Variants in INVS observed in about 807,000 individuals in gnomAD.
INVS encodes inversin.
Under a neutral mutation model 108.8 loss-of-function variants are expected in INVS, and 86 were observed. That is an observed-to-expected ratio of 0.79 (90% CI 0.66 to 0.95). The LOEUF (loss-of-function observed/expected upper bound fraction) is 0.95, where lower values mean the gene tolerates loss of function less well. INVS is among the 40% of genes least tolerant of loss of function. The pLI is 0.00. For synonymous variants in INVS, 455 were observed against 473.5 expected (o/e 0.96, Z 0.51); for missense variants, 1,169 against 1,297.4 (o/e 0.90, Z 1.52).
intron 12 of INVS, among the ~76,000 whole-genome samples, chr9:100,283,959 CAG>C (rs1387471954): frequency 6.6e-6 from 1 of 152,060 alleles, no homozygotes; most frequent in East Asian, 1.9e-4. Context: ...CTTTCTGAAA[CAG>C]GAGAAAAATG....
intron 3 of INVS, among the ~76,000 whole-genome samples, chr9:100,166,780 G>C (rs1829376635): frequency 6.6e-6 from 1 of 152,154 alleles, no homozygotes; most frequent in Admixed American, 6.5e-5. Flanking sequence ...CCACCATCAT[G>C]TTGGGTTAGA....
chr9:100,235,738 G>A (rs1172934516), intron 5 of INVS, among the ~76,000 whole-genome samples: 2 of 152,210 alleles, frequency 1.3e-5, no homozygotes. Flanking sequence ...GAGATCTGCT[G>A]TTAAGTCTGA....
At chr9:100,119,634 T>C (rs1404264282) in intron 2 of INVS, among the ~76,000 whole-genome samples, 2 of 152,252 alleles carry the variant, frequency 1.3e-5, no homozygotes, top group African/African-American at 4.8e-5. Flanking sequence ...TCAGCTTCAC[T>C]GCAAGCTCTG....
rs1387412099 is a variant in INVS, at chr9:100,297,960, A to C, written c.3041A>C (p.His1014Pro). 1 of 1,614,230 alleles carries C rather than the reference A, an allele frequency of 6.2e-7. No individual in the cohort carries two copies. Residue 1014 changes from histidine (H) to proline (P), a missense_variant, in exon 16 of 17, where the codon CAT becomes CCT. By Grantham distance (77) the His-to-Pro change is moderately conservative (BLOSUM62 -2). This residue lies in a region of INVS where 533 missense variants were observed against 536.0 expected (regional missense o/e 0.99). Coordinates refer to ENST00000262457, the MANE Select transcript of INVS (RefSeq NM_014425.5). ...IYGCSHEGKI[H>P]HPTRSVKASS... ...GGTTGTTCTCACGAAGGGAAAATAC[A>C]TCATCCTACAAGATCTGTAAAAGCC...
intron 3 of INVS, among the ~76,000 whole-genome samples, chr9:100,136,906 GAC>G (rs1335863145): frequency 2.6e-5 from 4 of 152,048 alleles, no homozygotes; most frequent in Admixed American, 2.0e-4. Flanking sequence ...CAGGTGTAGT[GAC>G]ACACGCCTGT....
chr9:100,144,679 G>T (rs1430288920), intron 3 of INVS, among the ~76,000 whole-genome samples: 1 of 152,120 alleles, frequency 6.6e-6, no homozygotes, highest in Non-Finnish European at 1.5e-5. Context: ...GGTGTGAGGA[G>T]GGGAGATGAT....
In INVS at chr9:100,116,710, T is replaced by A. The variant is rs2118861096; in HGVS notation, c.107-9673T>A. 3 of 636,176 alleles carry A rather than the reference T, an allele frequency of 4.7e-6. No individual in the cohort carries two copies. The East Asian group carries it at 1.0e-4, about 22-fold the overall frequency. 39.4% of individuals were successfully genotyped at this position (636,176 alleles called of 1,614,324 possible). ...AGTTATAGGTTTTATTTATTTTTTA[T>A]TTTTTTAACAGGCTTTATTCACTTT... On this transcript the variant is annotated intron_variant, in intron 2 of 16. Coordinates refer to ENST00000262457, the MANE Select transcript of INVS (RefSeq NM_014425.5).
chr9:100,194,669 T>G (rs533745583), intron 3 of INVS, among the ~76,000 whole-genome samples: 2 of 152,344 alleles, frequency 1.3e-5, no homozygotes, highest in Admixed American at 6.5e-5. Flanking sequence ...GAAGAAAGCA[T>G]GTAGTATTTC....
intron 10 of INVS, among the ~76,000 whole-genome samples, chr9:100,260,282 C>T (rs897386489): frequency 2.1e-5 from 3 of 144,982 alleles, no homozygotes; most frequent in Non-Finnish European, 4.6e-5. Context: ...CTCCACCTCC[C>T]AGGTTCAAGC....
At position 100,131,817 on chromosome 9, in the gene INVS, A is replaced by T. The variant is rs1373455332; in HGVS notation, c.273+5268A>T. The T allele has an allele frequency of 1.7e-5, 10 of 592,436 alleles. No individual in the cohort carries two copies. In the East Asian group the frequency reaches 1.4e-3, roughly 84 times the overall value. The allele number at this position is 592,436 out of a possible 1,614,324, so 36.7% of individuals were successfully genotyped here. A position where few individuals can be genotyped will look rare whatever the true frequency, so the allele number is the denominator to read the frequency against. ...GTTGTGGCTGCATTGTCCTTTTTTT[A>T]AATTCATAAATAATTCTCAGTTCAT... On this transcript the variant is annotated intron_variant, in intron 3 of 16. Transcript: ENST00000262457.
At chr9:100,193,366 G>A (rs2118173960) in intron 3 of INVS, among the ~76,000 whole-genome samples, 1 of 152,108 alleles carries the variant, frequency 6.6e-6, no homozygotes, top group South Asian at 2.1e-4. Context: ...CATGAAATTT[G>A]CCATTTTAAC....
At chr9:100,199,781 T>C (rs1206161291) in intron 3 of INVS, among the ~76,000 whole-genome samples, 1 of 152,170 alleles carries the variant, frequency 6.6e-6, no homozygotes, top group Non-Finnish European at 1.5e-5. Flanking sequence ...CCCTATCATG[T>C]GCATAGAGGT....
intron 3 of INVS, among the ~76,000 whole-genome samples, chr9:100,150,607 T>C (rs934278324): frequency 4.6e-5 from 7 of 152,238 alleles, no homozygotes; most frequent in Admixed American, 4.6e-4. Context: ...CTAAAGAAAA[T>C]TTGAGCATTA....
chr9:100,198,779 G>C (rs907033978), intron 3 of INVS, among the ~76,000 whole-genome samples: 1 of 151,732 alleles, frequency 6.6e-6, no homozygotes, highest in Non-Finnish European at 1.5e-5. Flanking sequence ...TTTTAATAGA[G>C]ACAGGGTTTC....
chr9:100,165,836 C>T (rs1452971577), intron 3 of INVS, among the ~76,000 whole-genome samples: 5 of 151,996 alleles, frequency 3.3e-5, no homozygotes, highest in Non-Finnish European at 7.4e-5. Flanking sequence ...AGATTCATTT[C>T]TATATTTTTT....
intron 3 of INVS, among the ~76,000 whole-genome samples, chr9:100,159,822 T>C (rs1012450244): frequency 1.3e-5 from 2 of 152,138 alleles, no homozygotes; most frequent in Non-Finnish European, 2.9e-5. Context: ...TAAAGGTTTA[T>C]TCATCAAAAT....
intron 13 of INVS, among the ~76,000 whole-genome samples, chr9:100,287,959 A>G (rs1833496610): frequency 1.3e-5 from 2 of 152,114 alleles, no homozygotes; most frequent in African/African-American, 4.8e-5. Flanking sequence ...TGATTCAGAG[A>G]CCAATGAGCC....
rs751348020 is a variant in INVS, at chr9:100,229,807, C to A, written c.595C>A (p.His199Asn). The change falls in exon 5 of 17, where the codon CAC becomes AAC. Residue 199 changes from histidine to asparagine, a missense_variant. By Grantham distance (68) the His-to-Asn change is moderately conservative (BLOSUM62 1). This residue lies in a region of INVS where 365 missense variants were observed against 397.5 expected (regional missense o/e 0.92). Transcript: ENST00000262457. Reference protein sequence around the residue: ...AANHKDPSAVHTVRCILDAAP... With the variant: ...AANHKDPSAVNTVRCILDAAP... Reference sequence around the variant, plus strand: ...CAACCATAAAGATCCAAGTGCTGTTCACACAGTGAGATGCATTCTGGTGAG... The same window carrying A: ...CAACCATAAAGATCCAAGTGCTGTTAACACAGTGAGATGCATTCTGGTGAG... 2.1e-5 allele frequency: 34 copies of A among 1,613,988 alleles called. No homozygotes were observed. Among genetic ancestry groups the A allele is most frequent in the Non-Finnish European group, 2.7e-5 (32 of 1,180,002 alleles).
intron 10 of INVS, among the ~76,000 whole-genome samples, chr9:100,260,068 C>T (rs1832567904): frequency 6.6e-6 from 1 of 151,480 alleles, no homozygotes; most frequent in Non-Finnish European, 1.5e-5. Flanking sequence ...GATGGGGTTT[C>T]ACCATGTTGG....
Sources: gnomAD v4.1 joint callset for allele counts (sites outside exome capture counted in the v4.1 genomes callset) on GRCh38, gnomAD v4.1.1 for gene constraint, gnomAD v4.1.1 regional missense constraint, MANE v1.5 for transcripts, NCBI Gene and HGNC (gene_info 2026-07-23, HGNC 2026-07-21) for gene names.